Variants in ANKIB1 observed in about 807,000 individuals in gnomAD.
ANKIB1 encodes ankyrin repeat and IBR domain-containing protein 1.
ANKIB1 carries 43 observed loss-of-function variants against 122.1 expected under a neutral mutation model. The ratio of observed to expected loss-of-function variants is 0.35; its 90% CI spans 0.28 to 0.45. The LOEUF (loss-of-function observed/expected upper bound fraction) is 0.45, where lower values mean the gene tolerates loss of function less well. ANKIB1 is among the 20% of genes least tolerant of loss of function. ANKIB1 has a pLI of 1.00. For synonymous variants in ANKIB1, 390 were observed against 442.0 expected (o/e 0.88, Z 1.48); for missense variants, 992 against 1,329.5 (o/e 0.75, Z 3.95).
At chr7:92,259,797 G>C (rs1304696856) in intron 1 of ANKIB1, among the ~76,000 whole-genome samples, 1 of 152,056 alleles carries the variant, frequency 6.6e-6, no homozygotes, top group African/African-American at 2.4e-5. Context: ...GTAACCCCTT[G>C]CTTCCAGGTG....
chr7:92,328,024 G>A, intron 5 of ANKIB1, 124 bp downstream of exon 5: 1 of 639,446 alleles, frequency 1.6e-6, no homozygotes, highest in Non-Finnish European at 2.6e-6. Context: ...AGCCTAAGTT[G>A]TGTTTTGTGC....
At chr7:92,295,942 G>A (rs721015) in intron 2 of ANKIB1, among the ~76,000 whole-genome samples, 78,283 of 151,892 alleles carry the variant, frequency 0.52, 21,029 homozygotes, top group African/African-American at 0.68. Context: ...GCAGGTATAG[G>A]AGTCTGATGC....
In ANKIB1 at chr7:92,255,334, A is replaced by G. The variant is rs1011557468; in HGVS notation, c.-91+8815A>G. 5.3e-5 allele frequency among the ~76,000 whole-genome samples: 8 copies of G among 152,218 alleles called. No individual in the cohort carries two copies. The South Asian group carries it at 6.2e-4, about 12-fold the overall frequency. On this transcript the variant is annotated intron_variant, in intron 1 of 19. Transcript: ENST00000265742. ...TTCAGCGGCCACAGAAATCCAAAAA[A>G]GGGTCATATAAATAAACAAGGGGGA...
intron 1 of ANKIB1, among the ~76,000 whole-genome samples, chr7:92,273,042 T>A (rs1375266571): frequency 6.6e-6 from 1 of 152,228 alleles, no homozygotes; most frequent in Non-Finnish European, 1.5e-5. Context: ...TCTATATAAG[T>A]ACAGTATTTG....
chr7:92,246,014 C>G lies in ANKIB1; in HGVS notation c.-596C>G. ...CTGCTGCCGTTCCTGCTCCTTTTCA[C>G]TGGACCTGCAGTCTCTCAGGGGCTG... On this transcript the variant is annotated 5_prime_UTR_variant, in exon 1 of 20. Coordinates refer to ENST00000265742, the MANE Select transcript of ANKIB1 (RefSeq NM_019004.2). The G allele has an allele frequency of 4.1e-6, 1 of 246,746 alleles. No individual in the cohort carries two copies. The highest frequency in any genetic ancestry group is 3.9e-5 in the South Asian group (1 of 25,822). 15.3% of individuals were successfully genotyped at this position (246,746 alleles called of 1,614,324 possible). A position where few individuals can be genotyped will look rare whatever the true frequency, so the allele number is the denominator to read the frequency against.
chr7:92,318,376 C>A (rs375043490), intron 3 of ANKIB1, among the ~76,000 whole-genome samples: 1 of 151,914 alleles, frequency 6.6e-6, no homozygotes, highest in Non-Finnish European at 1.5e-5. Context: ...ATTAGCTGGG[C>A]GTGGTGGCGG....
At chr7:92,350,920 C>A in intron 7 of ANKIB1, 30 bp from the exon 8 acceptor site, 1 of 1,564,626 alleles carries the variant, frequency 6.4e-7, no homozygotes, top group South Asian at 1.2e-5. Context: ...TATCCTTGCT[C>A]GTTTGATGTG....
chr7:92,294,986 A>G lies in ANKIB1; in HGVS notation c.8A>G (p.Asn3Ser). The G allele has an allele frequency of 6.3e-7, 1 of 1,596,604 alleles. No homozygotes were observed. The highest frequency in any genetic ancestry group is 8.5e-7 in the Non-Finnish European group (1 of 1,171,124). The change falls in exon 2 of 20, where the codon AAT (asparagine) becomes AGT (serine). Residue 3 changes from asparagine to serine, a missense_variant. Around this residue, in one of 4 missense-constraint regions of ANKIB1, gnomAD observed 54 missense variants for 112.3 expected, o/e 0.48. Transcript: ENST00000265742. MG[N>S]TTTKFRKALI... ...GAAAAAACAAAACAAAACATGGGAAATACAACCACCAAATTCCGTAAAGCA... is the reference window on the plus strand; with the variant it reads ...GAAAAAACAAAACAAAACATGGGAAGTACAACCACCAAATTCCGTAAAGCA...
Position 92,376,455 on chromosome 7 carries a change from T to TTA in ANKIB1, c.1617+4849_1617+4850insAT, listed in dbSNP as rs775550310. 4.0e-5 allele frequency among the ~76,000 whole-genome samples: 6 copies of TTA among 150,952 alleles called. No homozygotes were observed. The East Asian group carries it at 5.8e-4, about 15-fold the overall frequency. The stretch of plus-strand genomic sequence containing the variant: ...TTGCACTTTTTTTTTATTTTTTATT[T>TTA]TTTTTTTTTTTGAGACAAAGTCTCG... On this transcript the variant is annotated intron_variant, in intron 11 of 19. Coordinates refer to ENST00000265742, the MANE Select transcript of ANKIB1 (RefSeq NM_019004.2).
At chr7:92,274,735 C>T (rs1210725701) in intron 1 of ANKIB1, among the ~76,000 whole-genome samples, 1 of 152,082 alleles carries the variant, frequency 6.6e-6, no homozygotes, top group African/African-American at 2.4e-5. Flanking sequence ...TCACTTGACA[C>T]CAAGAGTTTG....
At chr7:92,253,944 G>A (rs1054672104) in intron 1 of ANKIB1, among the ~76,000 whole-genome samples, 1 of 152,034 alleles carries the variant, frequency 6.6e-6, no homozygotes, top group Non-Finnish European at 1.5e-5. Flanking sequence ...TTACTTTGAC[G>A]AACAAATATG....
chr7:92,258,940 T>G (rs1027668477), intron 1 of ANKIB1, among the ~76,000 whole-genome samples: 3 of 151,274 alleles, frequency 2.0e-5, no homozygotes, highest in Non-Finnish European at 2.9e-5. Context: ...TTTTTTGGAG[T>G]TTTTTTTGTT....
rs1277277006 is a variant in ANKIB1 at position 92,388,003 on chromosome 7, A to C, written c.1868A>C (p.Lys623Thr). Residue 623 changes from lysine to threonine, a missense_variant, in exon 14 of 20, where the codon AAA becomes ACA. Physicochemically the swap from Lys to Thr is moderately conservative, Grantham distance 78 (BLOSUM62 -1). Coordinates refer to ENST00000265742, the MANE Select transcript of ANKIB1 (RefSeq NM_019004.2). ...GAACAACGCCTTCTTAAAACAGCCA[A>C]AGAAAAGATGGAGCAATTGAGCAGA... ...QLEQRLLKTA[K>T]EKMEQLSRAL... The C allele has an allele frequency of 6.3e-7, 1 of 1,581,306 alleles. No individual in the cohort carries two copies. Among genetic ancestry groups the C allele is most frequent in the Non-Finnish European group, 8.6e-7 (1 of 1,162,480 alleles).
chr7:92,303,664 G>A (rs531136541), intron 2 of ANKIB1, among the ~76,000 whole-genome samples: 12 of 152,154 alleles, frequency 7.9e-5, no homozygotes, highest in Admixed American at 7.8e-4. Flanking sequence ...AAAATTAAGA[G>A]GATTATTGAA....
At chr7:92,264,613 C>T (rs1022805837) in intron 1 of ANKIB1, among the ~76,000 whole-genome samples, 36 of 151,898 alleles carry the variant, frequency 2.4e-4, no homozygotes, top group African/African-American at 8.0e-4. Context: ...GGTTTCTCCA[C>T]ATTGACCAGG....
At chr7:92,248,692 G>A (rs1182214656) in intron 1 of ANKIB1, among the ~76,000 whole-genome samples, 1 of 151,906 alleles carries the variant, frequency 6.6e-6, no homozygotes, top group Non-Finnish European at 1.5e-5. Flanking sequence ...ATTTGGGAGT[G>A]GACTAAGTCA....
chr7:92,378,380 A>G (rs1167117328), intron 11 of ANKIB1, among the ~76,000 whole-genome samples: 1 of 151,964 alleles, frequency 6.6e-6, no homozygotes, highest in East Asian at 1.9e-4. Context: ...CCTATATAAG[A>G]ATGGTTCAGT....
intron 1 of ANKIB1, among the ~76,000 whole-genome samples, chr7:92,255,667 C>G (rs1033483789): frequency 2.6e-5 from 4 of 152,056 alleles, no homozygotes; most frequent in African/African-American, 9.7e-5. Context: ...ATATTTTTTT[C>G]TGTTCTTTGA....
intron 1 of ANKIB1, among the ~76,000 whole-genome samples, chr7:92,256,818 C>T (rs1000132944): frequency 6.6e-6 from 1 of 152,196 alleles, no homozygotes; most frequent in African/African-American, 2.4e-5. Flanking sequence ...ATCATATGAT[C>T]TCCACTCTGG....
Sources: gnomAD v4.1 joint callset for allele counts (sites outside exome capture counted in the v4.1 genomes callset) on GRCh38, gnomAD v4.1.1 for gene constraint, gnomAD v4.1.1 regional missense constraint, MANE v1.5 for transcripts, NCBI Gene and HGNC (gene_info 2026-07-23, HGNC 2026-07-21) for gene names.